DENND1A: variants seen among roughly 807,000 people sequenced by gnomAD.
DENND1A encodes the protein DENN domain-containing protein 1A.
A neutral mutation model predicts 113.7 loss-of-function variants in DENND1A; 51 were observed. The ratio of observed to expected loss-of-function variants is 0.45; its 90% CI spans 0.36 to 0.57. The LOEUF (loss-of-function observed/expected upper bound fraction) is 0.57, where lower values mean the gene tolerates loss of function less well. Ranked by LOEUF, DENND1A falls within the 20% of genes least tolerant of loss-of-function variation. The pLI, the probability that DENND1A is intolerant of heterozygous loss-of-function variation, is 0.00. For missense variants in DENND1A, 1,258 were observed against 1,395.9 expected, an observed-to-expected ratio of 0.90 and a Z score of 1.57; for synonymous variants, 565 against 570.8, an observed-to-expected ratio of 0.99 and a Z score of 0.14.
At chr9:123,427,773 C>T (rs2045852915) in intron 19 of DENND1A, among the ~76,000 whole-genome samples, 1 of 152,192 alleles carries the variant, frequency 6.6e-6, no homozygotes, top group South Asian at 2.1e-4. Context: ...AGGTGGGGCC[C>T]TACCTGCAGC....
Position 123,550,295 on chromosome 9 carries a change from C to T in DENND1A, c.993+7275G>A, listed in dbSNP as rs1277751873. ...TTGCTTACTGCCCCCACCCAGCATTCGCTCCCTGTGGGCAGTAGCTCTGTT... is the reference window on the plus strand; with the variant it reads ...TTGCTTACTGCCCCCACCCAGCATTTGCTCCCTGTGGGCAGTAGCTCTGTT... On this transcript the variant is annotated intron_variant, in intron 13 of 23. Coordinates refer to ENST00000394215, the MANE Select transcript of DENND1A (RefSeq NM_001352964.2). Among the ~76,000 whole-genome samples, 4 of 152,360 alleles carry T rather than the reference C, an allele frequency of 2.6e-5. 1 individual carries two copies. Among genetic ancestry groups the T allele is most frequent in the Non-Finnish European group, 5.9e-5 (4 of 68,032 alleles).
intron 3 of DENND1A, among the ~76,000 whole-genome samples, chr9:123,787,218 T>C (rs1193441869): frequency 2.0e-5 from 3 of 152,332 alleles, no homozygotes; most frequent in Middle Eastern, 3.4e-3. Context: ...GTAAATATTA[T>C]ACATTTGTGT....
At position 123,381,411 on chromosome 9, in the gene DENND1A, C is replaced by A; in HGVS notation, c.*21G>T. 2 of 1,609,346 alleles carry A rather than the reference C, an allele frequency of 1.2e-6. No individual in the cohort carries two copies. Among genetic ancestry groups the A allele is most frequent in the Non-Finnish European group, 1.7e-6 (2 of 1,177,546 alleles). The stretch of plus-strand genomic sequence containing the variant: ...GACGGACCCTCGGGCCTCGGTGCAT[C>A]CCCCACCCTCAGGGCCCGGCTCACT... On this transcript the variant is annotated 3_prime_UTR_variant, in exon 24 of 24. Coordinates refer to ENST00000394215, the MANE Select transcript of DENND1A (RefSeq NM_001352964.2). This position sits in a 1 kb window ranked among gnomAD's most constrained non-coding sequence, Gnocchi z 4.7.
chr9:123,807,593 C>G (rs927862987), intron 2 of DENND1A, among the ~76,000 whole-genome samples: 1 of 152,250 alleles, frequency 6.6e-6, no homozygotes, highest in African/African-American at 2.4e-5. Context: ...AAAGGCACCA[C>G]AGACTTCAAG....
At chr9:123,528,575 C>T (rs531426438) in intron 13 of DENND1A, among the ~76,000 whole-genome samples, 13 of 152,282 alleles carry the variant, frequency 8.5e-5, no homozygotes, top group Non-Finnish European at 1.5e-4. Flanking sequence ...TCACTCATTT[C>T]CACTGATCAG....
chr9:123,759,398 A>G (rs1243566436), intron 4 of DENND1A: 1 of 152,266 alleles, frequency 6.6e-6, no homozygotes, highest in East Asian at 1.9e-4. Flanking sequence ...AAATCACACC[A>G]GAAGGAAGAA....
intron 5 of DENND1A, among the ~76,000 whole-genome samples, chr9:123,724,851 T>TA (rs918865017): frequency 6.6e-6 from 1 of 152,216 alleles, no homozygotes; most frequent in African/African-American, 2.4e-5. Context: ...TGATAGCTGA[T>TA]AAAAAAATTT....
chr9:123,638,862 T>C (rs2061857781), intron 9 of DENND1A, among the ~76,000 whole-genome samples: 1 of 151,686 alleles, frequency 6.6e-6, no homozygotes, highest in Non-Finnish European at 1.5e-5. Flanking sequence ...TCTTTGACAA[T>C]ATAAATCATA....
chr9:123,856,247 C>T (rs1434774286), intron 2 of DENND1A, among the ~76,000 whole-genome samples: 1 of 152,110 alleles, frequency 6.6e-6, no homozygotes, highest in South Asian at 2.1e-4. Flanking sequence ...CACAGTAGTC[C>T]AGAGTAGGTA....
At chr9:123,632,396 A>G (rs772091360) in intron 9 of DENND1A, among the ~76,000 whole-genome samples, 1 of 152,198 alleles carries the variant, frequency 6.6e-6, no homozygotes, top group Non-Finnish European at 1.5e-5. Context: ...CTCACATACA[A>G]AAATACACAT....
intron 19 of DENND1A, among the ~76,000 whole-genome samples, chr9:123,416,191 C>T (rs2044712783): frequency 6.6e-6 from 1 of 152,130 alleles, no homozygotes; most frequent in Non-Finnish European, 1.5e-5. Flanking sequence ...TCTGACTCAG[C>T]TCTGGTTGTC....
intron 1 of DENND1A, among the ~76,000 whole-genome samples, chr9:123,893,766 C>G (rs1426776650): frequency 6.6e-6 from 1 of 152,198 alleles, no homozygotes; most frequent in Non-Finnish European, 1.5e-5. Context: ...TGTATGAACT[C>G]AAGCCCAGGT....
Position 123,706,052 on chromosome 9 carries a change from C to T in DENND1A, c.303-29263G>A, listed in dbSNP as rs140466041. On this transcript the variant is annotated intron_variant, in intron 5 of 23. Transcript: ENST00000394215. ...AGGTTAAGATTAGAAACAGGGAAAC[C>T]AGTTCTAACAATGCAGCAAGAAATG... Among the ~76,000 whole-genome samples, 301 of 152,092 alleles carry T rather than the reference C, an allele frequency of 2.0e-3. 2 individuals are homozygous for T. The highest frequency in any genetic ancestry group is 6.5e-3 in the African/African-American group (270 of 41,474).
intron 2 of DENND1A, among the ~76,000 whole-genome samples, chr9:123,874,711 A>T (rs1847185145): frequency 6.6e-6 from 1 of 152,214 alleles, no homozygotes; most frequent in Admixed American, 6.5e-5. Flanking sequence ...AAAAGCAAAT[A>T]AAAAACAACA....
intron 5 of DENND1A, among the ~76,000 whole-genome samples, chr9:123,737,730 G>A (rs1414109669): frequency 6.6e-6 from 1 of 152,186 alleles, no homozygotes; most frequent in Non-Finnish European, 1.5e-5. Flanking sequence ...TTCAAAGGGG[G>A]TAGACAAGAG....
At chr9:123,489,237 A>G (rs992074567) in intron 13 of DENND1A, among the ~76,000 whole-genome samples, 1 of 152,230 alleles carries the variant, frequency 6.6e-6, no homozygotes, top group Non-Finnish European at 1.5e-5. Flanking sequence ...TTCTAGTCCT[A>G]TTCCCAAAAC....
At chr9:123,448,743 A>G (rs2047490739) in intron 18 of DENND1A, among the ~76,000 whole-genome samples, 3 of 152,358 alleles carry the variant, frequency 2.0e-5, no homozygotes, top group South Asian at 4.1e-4. Context: ...TGTGAATCTC[A>G]GCTGTTAAAA....
At chr9:123,464,495 C>T (rs779026858) in intron 13 of DENND1A, among the ~76,000 whole-genome samples, 8 of 152,086 alleles carry the variant, frequency 5.3e-5, no homozygotes, top group Non-Finnish European at 8.8e-5. Context: ...AATAGATCAA[C>T]GCTGCATGGT....
chr9:123,780,615 T>TGG (rs1203549072), intron 3 of DENND1A, among the ~76,000 whole-genome samples: 19 of 152,192 alleles, frequency 1.2e-4, no homozygotes, highest in Non-Finnish European at 1.5e-4. Flanking sequence ...ATGAAAGGAA[T>TGG]GGGGAAGACT....
Sources: allele counts gnomAD v4.1 joint callset (sites outside exome capture counted in the v4.1 genomes callset), GRCh38; gene constraint gnomAD v4.1.1; non-coding constraint Gnocchi (gnomAD v3.1); transcripts MANE v1.5; gene names NCBI Gene and HGNC (gene_info 2026-07-23, HGNC 2026-07-21).